ZNF532: variants seen among roughly 807,000 people sequenced by gnomAD.
ZNF532 encodes the protein zinc finger protein 532.
A neutral mutation model predicts 89.3 loss-of-function variants in ZNF532; 22 were observed. The ratio of observed to expected loss-of-function variants is 0.25; its 90% CI spans 0.18 to 0.35. The LOEUF is 0.35. ZNF532 is among the 10% of genes least tolerant of loss of function. The pLI is 1.00. For synonymous variants in ZNF532, 606 were observed against 649.6 expected (o/e 0.93, Z 1.02); for missense variants, 1,132 against 1,643.4 (o/e 0.69, Z 5.38).
chr18:58,942,357 T>TC lies in ZNF532; in HGVS notation c.2705+2738dup, dbSNP rs1568383510. On this transcript the variant is annotated intron_variant, in intron 5 of 9. Coordinates refer to ENST00000591808, the MANE Select transcript of ZNF532 (RefSeq NM_001375912.1). ...TCCCTCCCTCCCTCCCTCCCTTCCT[T>TC]CCTTCCTTCCTTCCTTCCTTCCTTC... is the stretch of plus-strand genomic sequence containing the variant. Among the ~76,000 whole-genome samples, 12 of 46,832 alleles carry TC rather than the reference T, an allele frequency of 2.6e-4. 1 individual carries two copies. The highest frequency in any genetic ancestry group is 1.1e-3 in the African/African-American group (8 of 6,964). 30.7% of individuals were successfully genotyped at this position (46,832 alleles called of 152,430 possible).
chr18:58,929,394 T>C (rs1490768423), intron 3 of ZNF532, among the ~76,000 whole-genome samples: 5 of 152,174 alleles, frequency 3.3e-5, no homozygotes, highest in Admixed American at 2.6e-4. Flanking sequence ...CTGGTTCTCA[T>C]TTCTAGATCC....
chr18:58,951,993 G>A (rs2064255645), intron 6 of ZNF532, among the ~76,000 whole-genome samples: 1 of 152,154 alleles, frequency 6.6e-6, no homozygotes, highest in Non-Finnish European at 1.5e-5. Context: ...TTGCCTGTTT[G>A]GGTAGACCTT....
In ZNF532 at chr18:58,981,679, T is replaced by A. The variant is rs147867276; in HGVS notation, c.3411+62T>A. 53 of 1,593,942 alleles carry A rather than the reference T, an allele frequency of 3.3e-5. No individual in the cohort carries two copies. The African/African-American group carries it at 6.6e-4, about 20-fold the overall frequency. On this transcript the variant is annotated intron_variant, in intron 9 of 9. Coordinates refer to ENST00000591808, the MANE Select transcript of ZNF532 (RefSeq NM_001375912.1). The stretch of plus-strand genomic sequence containing the variant: ...GTGTTGACTTGCTTTTCCCATTCAT[T>A]TTTTTCCTTTCAAGTTTTTGTTGCA...
Position 58,893,781 on chromosome 18 carries a change from C to T in ZNF532, c.-17-24490C>T, listed in dbSNP as rs532063209. Among the ~76,000 whole-genome samples, 3 of 152,072 alleles carry T rather than the reference C, an allele frequency of 2.0e-5. No individual in the cohort carries two copies. The South Asian group carries it at 6.2e-4, about 32-fold the overall frequency. On this transcript the variant is annotated intron_variant, in intron 2 of 9. Coordinates refer to ENST00000591808, the MANE Select transcript of ZNF532 (RefSeq NM_001375912.1). ...AACTTGTCACCTGTGAAATGGTTGG[C>T]TTGATATTTTGATATTTAAAGGTTT...
intron 7 of ZNF532, among the ~76,000 whole-genome samples, chr18:58,972,683 T>C (rs1603333769): frequency 6.6e-6 from 1 of 152,226 alleles, no homozygotes; most frequent in Non-Finnish European, 1.5e-5. Flanking sequence ...GTCTCCCTGC[T>C]CATTCATTCA....
chr18:58,981,878 C>T (rs538018218), intron 9 of ZNF532, among the ~76,000 whole-genome samples: 2 of 151,422 alleles, frequency 1.3e-5, no homozygotes, highest in Admixed American at 1.3e-4. Flanking sequence ...GTGGCGGGCT[C>T]CTGTAATCCC....
intron 2 of ZNF532, among the ~76,000 whole-genome samples, chr18:58,873,869 T>C (rs1045325766): frequency 3.4e-4 from 51 of 152,222 alleles, no homozygotes; most frequent in African/African-American, 1.2e-3. Context: ...GATATAAACC[T>C]GATTGCCTGT....
chr18:58,953,009 C>G (rs914410226), intron 6 of ZNF532, among the ~76,000 whole-genome samples: 1 of 152,162 alleles, frequency 6.6e-6, no homozygotes, highest in Admixed American at 6.5e-5. Context: ...CAGACTGTTA[C>G]TAGTATTCCA....
chr18:58,923,290 C>T (rs1274049782), intron 3 of ZNF532, among the ~76,000 whole-genome samples: 10 of 151,312 alleles, frequency 6.6e-5, no homozygotes, highest in African/African-American at 2.4e-4. Flanking sequence ...CCATAGCACG[C>T]TCTCCTCCTG....
rs2059531967 is a variant in ZNF532 at position 58,900,463 on chromosome 18, G to A, written c.-17-17808G>A. Among the ~76,000 whole-genome samples, 3 of 152,126 alleles carry A rather than the reference G, an allele frequency of 2.0e-5. No homozygotes were observed. The South Asian group carries it at 6.2e-4, about 32-fold the overall frequency. Reference sequence around the variant, plus strand: ...CTCCCTAGCTTCCCCAGCTGATGAAGGGTCGGGGGCTCCCTGTTTCTAGCC... The same window carrying A: ...CTCCCTAGCTTCCCCAGCTGATGAAAGGTCGGGGGCTCCCTGTTTCTAGCC... On this transcript the variant is annotated intron_variant, in intron 2 of 9. Transcript: ENST00000591808.
intron 2 of ZNF532, among the ~76,000 whole-genome samples, chr18:58,905,730 C>T (rs1242824679): frequency 6.6e-6 from 1 of 152,208 alleles, no homozygotes; most frequent in Non-Finnish European, 1.5e-5. Flanking sequence ...TAAAAGCAAC[C>T]AACCACCAAC....
chr18:58,872,111 C>CA (rs1354434015), intron 2 of ZNF532, among the ~76,000 whole-genome samples: 5 of 152,204 alleles, frequency 3.3e-5, no homozygotes, highest in African/African-American at 9.6e-5. Context: ...AATTTTTAGA[C>CA]AGACGCAGAG....
intron 3 of ZNF532, among the ~76,000 whole-genome samples, chr18:58,924,954 T>A (rs1166623186): frequency 6.6e-6 from 1 of 152,236 alleles, no homozygotes; most frequent in Non-Finnish European, 1.5e-5. Flanking sequence ...AATAGTATAT[T>A]CCTTTTTATT....
chr18:58,953,652 G>C lies in ZNF532; in HGVS notation c.3003G>C (p.Glu1001Asp). The change falls in exon 7 of 10, where the codon GAG (glutamate) becomes GAC (aspartate). Residue 1001 changes from glutamate (E) to aspartate (D), a missense_variant. Physicochemically the swap from Glu to Asp is conservative, Grantham distance 45. Transcript: ENST00000591808. The part of the protein sequence containing the change: ...KEDTKSMNGK[E>D]KLEKKSPSPV... ...ACACCAAATCCATGAATGGGAAAGAGAAATTGGAAAAGAAATCTCCATCTC... is the reference window on the plus strand; with the variant it reads ...ACACCAAATCCATGAATGGGAAAGACAAATTGGAAAAGAAATCTCCATCTC... The C allele has an allele frequency of 6.2e-7, 1 of 1,613,964 alleles. No homozygotes were observed. Among genetic ancestry groups the C allele is most frequent in the Admixed American group, 1.7e-5 (1 of 60,022 alleles).
At chr18:58,937,700 A>C (rs1250980448) in intron 4 of ZNF532, among the ~76,000 whole-genome samples, 2 of 152,144 alleles carry the variant, frequency 1.3e-5, no homozygotes. Flanking sequence ...CTTTTGTTTT[A>C]CATAATCTTC....
chr18:58,889,792 C>G (rs931732828), intron 2 of ZNF532, among the ~76,000 whole-genome samples: 1 of 146,230 alleles, frequency 6.8e-6, no homozygotes, highest in African/African-American at 2.5e-5. Flanking sequence ...AACAAAAAAA[C>G]CCCAAAATTT....
In ZNF532 at chr18:58,948,244, A is replaced by G. The variant is rs772361865; in HGVS notation, c.2868+15A>G. 7.5e-6 allele frequency: 12 copies of G among 1,592,400 alleles called. No homozygotes were observed. The highest frequency in any genetic ancestry group is 1.8e-5 in the Admixed American group (1 of 56,582). Reference sequence around the variant, plus strand: ...ACCATATCAAGGTGTGTGTGCATCTATCCTCTACTTTAAATGAATTGCAGA... The same window carrying G: ...ACCATATCAAGGTGTGTGTGCATCTGTCCTCTACTTTAAATGAATTGCAGA... On this transcript the variant is annotated intron_variant, in intron 6 of 9. Coordinates refer to ENST00000591808, the MANE Select transcript of ZNF532 (RefSeq NM_001375912.1).
chr18:58,874,340 A>G (rs577046345), intron 2 of ZNF532, among the ~76,000 whole-genome samples: 34 of 150,074 alleles, frequency 2.3e-4, no homozygotes, highest in African/African-American at 8.0e-4. Flanking sequence ...ATTTATTTAT[A>G]TTTTATTCTA....
intron 7 of ZNF532, among the ~76,000 whole-genome samples, chr18:58,961,158 C>A (rs1010130448): frequency 2.6e-5 from 4 of 152,126 alleles, no homozygotes; most frequent in African/African-American, 4.8e-5. Flanking sequence ...GCCTCTACCC[C>A]ACAGCTTCTG....
Sources: allele counts gnomAD v4.1 joint callset (sites outside exome capture counted in the v4.1 genomes callset), GRCh38; gene constraint gnomAD v4.1.1; transcripts MANE v1.5; gene names NCBI Gene and HGNC (gene_info 2026-07-23, HGNC 2026-07-21).